The following PLA2G7 variants were observed in gnomAD, a reference collection of about 807,000 sequenced individuals.
PLA2G7 encodes the protein platelet-activating factor acetylhydrolase.
PLA2G7 carries 63 observed loss-of-function variants against 49.6 expected under a neutral mutation model. The ratio of observed to expected loss-of-function variants is 1.27; its 90% CI spans 1.04 to 1.57. The LOEUF (loss-of-function observed/expected upper bound fraction) is 1.57, where lower values mean the gene tolerates loss of function less well. Ranked by LOEUF, PLA2G7 falls within the 40% of genes most tolerant of loss-of-function variation. The pLI is 0.00. For missense variants in PLA2G7, 596 were observed against 521.2 expected (o/e 1.14, Z -1.40); for synonymous variants, 193 against 169.9 (o/e 1.14, Z -1.06).
chr6:46,710,739 T>G (rs1764988311), intron 7 of PLA2G7, 81 bp from the exon 8 acceptor site: 4 of 1,123,910 alleles, frequency 3.6e-6, no homozygotes, highest in Non-Finnish European at 4.0e-6. Flanking sequence ...AAGCTGTATT[T>G]GGGAAAAATC....
Position 46,709,345 on chromosome 6 carries a change from CT to C in PLA2G7, c.850del (p.Ser284ValfsTer46). 1 of 1,597,102 alleles carries C rather than the reference CT, an allele frequency of 6.3e-7. No individual in the cohort carries two copies. The highest frequency in any genetic ancestry group is 8.6e-7 in the Non-Finnish European group (1 of 1,165,058). On this transcript the variant is annotated frameshift_variant, in exon 9 of 12. Transcript: ENST00000274793. LOFTEE classifies it high-confidence loss of function. Reference sequence around the variant, plus strand: ...TTCTTACCTGAATCTCTGATCTTCACTAAGAGTCTGAATAACCGTTGCTCCA... The same window carrying C: ...TTCTTACCTGAATCTCTGATCTTCACAAGAGTCTGAATAACCGTTGCTCCA... ...FGGATVIQTL[S>X]EDQRFRCGIA...
intron 1 of PLA2G7, among the ~76,000 whole-genome samples, chr6:46,729,515 T>C (rs1755665749): frequency 2.6e-5 from 4 of 152,252 alleles, no homozygotes; most frequent in Non-Finnish European, 4.4e-5. Context: ...GCATTTCATA[T>C]AAATGAACTC....
chr6:46,718,039 G>GT, intron 2 of PLA2G7, among the ~76,000 whole-genome samples: 1 of 152,218 alleles, frequency 6.6e-6, no homozygotes, highest in East Asian at 1.9e-4. Flanking sequence ...GCTAACATTA[G>GT]TTTTTAGCTT....
chr6:46,711,480 T>A lies in PLA2G7; in HGVS notation c.663+16A>T. 1 of 1,613,252 alleles carries A rather than the reference T, an allele frequency of 6.2e-7. No individual in the cohort carries two copies. The highest frequency in any genetic ancestry group is 8.5e-7 in the Non-Finnish European group (1 of 1,179,284). On this transcript the variant is annotated intron_variant, in intron 7 of 11. Coordinates refer to ENST00000274793, the MANE Select transcript of PLA2G7 (RefSeq NM_005084.4). ...CTTTTAGGTCACCAACCACCTCTCC[T>A]TTCACTGCAATGTACCTGCTCATTT... is the stretch of plus-strand genomic sequence containing the variant.
chr6:46,716,588 G>C, intron 3 of PLA2G7, 60 bp from the exon 4 acceptor site: 1 of 1,567,280 alleles, frequency 6.4e-7, no homozygotes, highest in Non-Finnish European at 8.8e-7. Context: ...TATTCCAGCA[G>C]CTATTTTGCA....
chr6:46,722,449 CT>C (rs1465474975), intron 2 of PLA2G7, among the ~76,000 whole-genome samples: 2 of 152,020 alleles, frequency 1.3e-5, no homozygotes, highest in Non-Finnish European at 2.9e-5. Context: ...CATTACTATG[CT>C]TGTGTGGGCA....
chr6:46,707,865 T>C (rs1764879207), intron 10 of PLA2G7, 126 bp downstream of exon 10: 9 of 640,260 alleles, frequency 1.4e-5, no homozygotes, highest in South Asian at 1.3e-4. Flanking sequence ...ATTATCTAAT[T>C]CTCTCCTTAT....
chr6:46,704,993 A>G (rs1023197032), intron 11 of PLA2G7, among the ~76,000 whole-genome samples, 160 bp downstream of exon 11: 2 of 152,196 alleles, frequency 1.3e-5, no homozygotes, highest in Admixed American at 6.6e-5. Context: ...GTAAAGCAGC[A>G]AAATTGACTT....
intron 1 of PLA2G7, among the ~76,000 whole-genome samples, chr6:46,725,090 A>G (rs1765528264): frequency 6.6e-6 from 1 of 152,208 alleles, no homozygotes; most frequent in Non-Finnish European, 1.5e-5. Context: ...TATAATTCTT[A>G]GATGATATGG....
chr6:46,733,153 A>C (rs1765786973), intron 1 of PLA2G7, among the ~76,000 whole-genome samples: 1 of 152,122 alleles, frequency 6.6e-6, no homozygotes, highest in South Asian at 2.1e-4. Flanking sequence ...CACTTTTCTT[A>C]ATGTTCTGTG....
At chr6:46,717,906 C>G (rs924800289) in intron 2 of PLA2G7, among the ~76,000 whole-genome samples, 2 of 151,860 alleles carry the variant, frequency 1.3e-5, no homozygotes, top group Non-Finnish European at 2.9e-5. Context: ...TTAGTAGAGA[C>G]GGGGTTTCAC....
At chr6:46,719,325 T>G (rs1268642023) in intron 2 of PLA2G7, among the ~76,000 whole-genome samples, 2 of 152,214 alleles carry the variant, frequency 1.3e-5, no homozygotes, top group Admixed American at 1.3e-4. Context: ...CTGCCCATGA[T>G]GAAGCCTTTC....
chr6:46,716,880 G>A (rs550224610), intron 3 of PLA2G7, 95 bp downstream of exon 3: 1 of 1,284,220 alleles, frequency 7.8e-7, no homozygotes, highest in East Asian at 2.3e-5. Context: ...GTCATTCTCA[G>A]GTGAGGGCAA....
intron 5 of PLA2G7, among the ~76,000 whole-genome samples, chr6:46,712,545 G>A (rs954712478): frequency 2.6e-5 from 4 of 152,150 alleles, no homozygotes; most frequent in African/African-American, 9.7e-5. Context: ...TCATGAATGT[G>A]GGCGAGGGTA....
At chr6:46,713,705 A>T (rs140072427) in intron 5 of PLA2G7, among the ~76,000 whole-genome samples, 1 of 152,200 alleles carries the variant, frequency 6.6e-6, no homozygotes, top group Non-Finnish European at 1.5e-5. Flanking sequence ...GGTGGAAGAA[A>T]GTGAAGAGGG....
At position 46,711,536 on chromosome 6, in the gene PLA2G7, G is replaced by T. The variant is rs377019028; in HGVS notation, c.623C>A (p.Thr208Asn). The T allele has an allele frequency of 1.9e-6, 3 of 1,613,604 alleles. No homozygotes were observed. The highest frequency in any genetic ancestry group is 2.5e-6 in the Non-Finnish European group (3 of 1,179,688). ...ATGTGTCTCCTCCTCTTGTTTCAGG[G>T]TTCTAAGGTAGAGCCAAGACTTGTC... ...IGDKSWLYLR[T>N]LKQEEETHIR... Residue 208 changes from threonine to asparagine, a missense_variant, in exon 7 of 12, where the codon ACC becomes AAC. Thr to Asn is a moderately conservative substitution (Grantham distance 65). Transcript: ENST00000274793.
At chr6:46,715,033 C>T (rs761908935) in intron 4 of PLA2G7, among the ~76,000 whole-genome samples, 6 of 152,118 alleles carry the variant, frequency 3.9e-5, no homozygotes, top group East Asian at 1.9e-4. Context: ...CCGCACCCGG[C>T]GTAAGTTCTT....
chr6:46,722,797 T>C lies in PLA2G7; in HGVS notation c.95A>G (p.His32Arg), dbSNP rs771835710. Residue 32 changes from histidine (H) to arginine (R), a missense_variant, in exon 2 of 12, where the codon CAT becomes CGT. Coordinates refer to ENST00000274793, the MANE Select transcript of PLA2G7 (RefSeq NM_005084.4). ...ACACCTCTTACCTGATGATTTCATATGGGCAACAGGATTTATGTATTGCCA... is the reference window on the plus strand; with the variant it reads ...ACACCTCTTACCTGATGATTTCATACGGGCAACAGGATTTATGTATTGCCA... ...FDWQYINPVA[H>R]MKSSAWVNKI... 3.1e-6 allele frequency: 5 copies of C among 1,601,474 alleles called. No homozygotes were observed. Among genetic ancestry groups the C allele is most frequent in the East Asian group, 2.2e-5 (1 of 44,826 alleles).
intron 9 of PLA2G7, 122 bp from the exon 10 acceptor site, chr6:46,708,283 A>C: frequency 6.9e-5 from 53 of 769,056 alleles, no homozygotes; most frequent in Non-Finnish European, 9.8e-5. Context: ...GGGTTATCTC[A>C]TTGGAATAAA....
Sources: gnomAD v4.1 joint callset for allele counts (sites outside exome capture counted in the v4.1 genomes callset) on GRCh38, gnomAD v4.1.1 for gene constraint, MANE v1.5 for transcripts, NCBI Gene and HGNC (gene_info 2026-07-23, HGNC 2026-07-21) for gene names.